Variants in AKAP19 observed in about 807,000 individuals in gnomAD.
The protein encoded by AKAP19 is small A-kinase anchoring protein.
At chr2:189,997,663 A>T in the AKAP19 span, among the ~76,000 whole-genome samples, 1 of 152,132 alleles carries the variant, frequency 6.6e-6, no homozygotes, top group Non-Finnish European at 1.5e-5. Flanking sequence ...GCTGTGCAAG[A>T]GCCTCAGACC....
the AKAP19 span, among the ~76,000 whole-genome samples, chr2:190,073,128 A>C: frequency 6.6e-6 from 1 of 152,166 alleles, no homozygotes; most frequent in African/African-American, 2.4e-5. Flanking sequence ...ATTCAGAGGG[A>C]GAAAGATAAA....
the AKAP19 span, among the ~76,000 whole-genome samples, chr2:189,891,545 G>A: frequency 6.6e-6 from 1 of 152,080 alleles, no homozygotes; most frequent in South Asian, 2.1e-4. Flanking sequence ...CTTTAAGAAT[G>A]TTGAATATTG....
At chr2:190,003,698 T>C in the AKAP19 span, among the ~76,000 whole-genome samples, 1 of 152,028 alleles carries the variant, frequency 6.6e-6, no homozygotes, top group East Asian at 1.9e-4. Context: ...ACCCCGTCTT[T>C]ACTAAAAATA....
chr2:189,887,763 C>G, the AKAP19 span, among the ~76,000 whole-genome samples: 6 of 151,956 alleles, frequency 3.9e-5, no homozygotes, highest in Admixed American at 3.9e-4. Context: ...ACATAAATGT[C>G]TTCTTTTGAG....
the AKAP19 span, among the ~76,000 whole-genome samples, chr2:189,990,850 C>G: frequency 2.6e-5 from 4 of 152,018 alleles, no homozygotes; most frequent in African/African-American, 9.7e-5. Context: ...GTTTTTGATC[C>G]CTCACCATCC....
the AKAP19 span, among the ~76,000 whole-genome samples, chr2:189,983,773 T>C: frequency 1.3e-5 from 2 of 152,188 alleles, no homozygotes; most frequent in Non-Finnish European, 2.9e-5. Context: ...TTTTTGGTTT[T>C]GGGGGAACTG....
At chr2:190,018,429 G>T in the AKAP19 span, among the ~76,000 whole-genome samples, 1 of 151,666 alleles carries the variant, frequency 6.6e-6, no homozygotes, top group Non-Finnish European at 1.5e-5. Context: ...TACTGTTGGA[G>T]TTATTTTGTT....
chr2:189,985,053 C>T, the AKAP19 span, among the ~76,000 whole-genome samples: 1 of 152,164 alleles, frequency 6.6e-6, no homozygotes, highest in Non-Finnish European at 1.5e-5. Context: ...AGGCAGAGGA[C>T]CTCCCCAACA....
chr2:190,133,732 A>G, the AKAP19 span, among the ~76,000 whole-genome samples: 1 of 152,230 alleles, frequency 6.6e-6, no homozygotes, highest in African/African-American at 2.4e-5. Context: ...GAAATAAGCC[A>G]GGCACAGAAA....
chr2:190,048,276 C>T, the AKAP19 span, among the ~76,000 whole-genome samples: 166 of 152,252 alleles, frequency 1.1e-3, no homozygotes, highest in Non-Finnish European at 1.9e-3. Context: ...TAAACTATGA[C>T]GGCATGTAAC....
At chr2:190,149,788 T>C in the AKAP19 span, among the ~76,000 whole-genome samples, 1 of 152,184 alleles carries the variant, frequency 6.6e-6, no homozygotes, top group Non-Finnish European at 1.5e-5. Flanking sequence ...GAATGTATAT[T>C]CTGCAGTTGT....
At chr2:190,062,691 T>C in the AKAP19 span, 2 of 1,218,580 alleles carry the variant, frequency 1.6e-6, no homozygotes, top group South Asian at 1.4e-5. Flanking sequence ...TTTTAATGCA[T>C]GTACAGTCTG....
the AKAP19 span, among the ~76,000 whole-genome samples, chr2:189,988,771 C>G: frequency 2.0e-5 from 3 of 152,224 alleles, no homozygotes; most frequent in Non-Finnish European, 2.9e-5. Context: ...TTCCTTGGTA[C>G]TGGCAAGAGA....
At chr2:190,083,924 G>A in the AKAP19 span, among the ~76,000 whole-genome samples, 1 of 151,976 alleles carries the variant, frequency 6.6e-6, no homozygotes, top group African/African-American at 2.4e-5. Context: ...AGCAAGTTAC[G>A]GATCTTGACT....
At chr2:189,953,830 A>G in the AKAP19 span, among the ~76,000 whole-genome samples, 1 of 152,118 alleles carries the variant, frequency 6.6e-6, no homozygotes, top group African/African-American at 2.4e-5. Context: ...CCAAGATACA[A>G]ACTTAAGCTG....
the AKAP19 span, among the ~76,000 whole-genome samples, chr2:190,191,298 A>G: frequency 6.6e-6 from 1 of 152,066 alleles, no homozygotes; most frequent in Admixed American, 6.5e-5. Flanking sequence ...GTGCACCACT[A>G]TGCCCTGCTA....
chr2:189,952,700 C>G, the AKAP19 span, among the ~76,000 whole-genome samples: 1 of 152,192 alleles, frequency 6.6e-6, no homozygotes, highest in Non-Finnish European at 1.5e-5. Flanking sequence ...ACTGCACTTA[C>G]TGTGTGCAAC....
At chr2:190,168,083 C>T in the AKAP19 span, among the ~76,000 whole-genome samples, 1 of 152,204 alleles carries the variant, frequency 6.6e-6, no homozygotes, top group Non-Finnish European at 1.5e-5. Context: ...CCTGGACATT[C>T]AGGTGTTTCC....
At chr2:190,074,093 T>A in the AKAP19 span, among the ~76,000 whole-genome samples, 2 of 151,842 alleles carry the variant, frequency 1.3e-5, no homozygotes, top group African/African-American at 4.8e-5. Flanking sequence ...CACCAAAGAT[T>A]TAGTCTGGTG....
Sources: gnomAD v4.1 joint callset for allele counts (sites outside exome capture counted in the v4.1 genomes callset) on GRCh38, gnomAD v4.1.1 for gene constraint, MANE v1.5 for transcripts, NCBI Gene and HGNC (gene_info 2026-07-23, HGNC 2026-07-21) for gene names.